Variants in TGM3 observed in about 807,000 individuals in gnomAD.
TGM3 encodes the protein transglutaminase 3.
A neutral mutation model predicts 73.8 loss-of-function variants in TGM3; 52 were observed. The observed-to-expected ratio is 0.70, with a 90% CI of 0.56 to 0.89. The LOEUF is 0.89. Ranked by LOEUF, TGM3 falls within the 40% of genes least tolerant of loss-of-function variation. TGM3 has a pLI of 0.00. For synonymous variants in TGM3, 372 were observed against 354.9 expected (o/e 1.05, Z -0.54); for missense variants, 928 against 909.9 (o/e 1.02, Z -0.26).
At chr20:2,312,304 G>T (rs2084208704) in intron 4 of TGM3, among the ~76,000 whole-genome samples, 1 of 151,470 alleles carries the variant, frequency 6.6e-6, no homozygotes, top group Admixed American at 6.6e-5. Context: ...GGAGGCTGAG[G>T]CGGGAGAATT....
rs1301935617 is a variant in TGM3 at position 2,311,004 on chromosome 20, C to G, written c.422-7C>G. On this transcript the variant is annotated splice_region_variant and splice_polypyrimidine_tract_variant and intron_variant, in intron 3 of 12. Coordinates refer to ENST00000381458, the MANE Select transcript of TGM3 (RefSeq NM_003245.4). ...AGTCGCTGGTGTCTGCTTTTTGTAT[C>G]AAATAGTGGATAGCGTCTTTATGGG... 1 of 1,611,248 alleles carries G rather than the reference C, an allele frequency of 6.2e-7. No individual in the cohort carries two copies. Among genetic ancestry groups the G allele is most frequent in the Non-Finnish European group, 8.5e-7 (1 of 1,177,420 alleles).
At chr20:2,296,426 G>C (rs11907667) in intron 1 of TGM3, among the ~76,000 whole-genome samples, 4 of 152,130 alleles carry the variant, frequency 2.6e-5, no homozygotes, top group African/African-American at 4.8e-5. Flanking sequence ...GACAGGACTC[G>C]GGTCTCGTGT....
chr20:2,316,239 C>T (rs760523940), intron 5 of TGM3, among the ~76,000 whole-genome samples: 1 of 152,168 alleles, frequency 6.6e-6, no homozygotes, highest in Non-Finnish European at 1.5e-5. Context: ...AAAAGAAATA[C>T]TCTATCTTTA....
chr20:2,311,765 G>A (rs1369342642), intron 4 of TGM3, among the ~76,000 whole-genome samples: 1 of 152,138 alleles, frequency 6.6e-6, no homozygotes, highest in African/African-American at 2.4e-5. Flanking sequence ...AGCAAGTTGG[G>A]AGGAAGAAAA....
chr20:2,305,270 C>G (rs1256324620), intron 1 of TGM3, among the ~76,000 whole-genome samples: 1 of 152,186 alleles, frequency 6.6e-6, no homozygotes, highest in Non-Finnish European at 1.5e-5. Context: ...GTTGGTTCCC[C>G]TGGCAACCAG....
intron 1 of TGM3, among the ~76,000 whole-genome samples, chr20:2,300,869 G>A (rs559928688): frequency 1.3e-5 from 2 of 152,252 alleles, no homozygotes; most frequent in Admixed American, 6.5e-5. Context: ...AACAGTATTA[G>A]TTTCCCCCAA....
chr20:2,340,395 G>A (rs775337972), intron 12 of TGM3, 39 bp from the exon 13 acceptor site: 3 of 1,611,886 alleles, frequency 1.9e-6, no homozygotes, highest in South Asian at 1.1e-5. Flanking sequence ...CAAGGTCCGT[G>A]TGTCTCGTAT....
At chr20:2,317,689 T>C (rs544162776) in intron 7 of TGM3, among the ~76,000 whole-genome samples, 1 of 152,126 alleles carries the variant, frequency 6.6e-6, no homozygotes, top group African/African-American at 2.4e-5. Flanking sequence ...TGCGGTCTGC[T>C]AGTCTGGTCT....
intron 4 of TGM3, among the ~76,000 whole-genome samples, chr20:2,312,502 C>T (rs17312557): frequency 0.021 from 3,194 of 151,324 alleles, 63 homozygotes; most frequent in Middle Eastern, 0.13. Context: ...GCCAGACAGG[C>T]TAAACAGCTT....
intron 1 of TGM3, among the ~76,000 whole-genome samples, chr20:2,298,934 C>T (rs214771): frequency 0.98 from 149,554 of 152,172 alleles, 73,502 homozygotes; most frequent in East Asian, 1. Context: ...CTTCTTCCAC[C>T]TGGGACAGCG....
At chr20:2,313,680 C>T (rs758065008) in intron 5 of TGM3, among the ~76,000 whole-genome samples, 2 of 152,196 alleles carry the variant, frequency 1.3e-5, no homozygotes, top group Non-Finnish European at 2.9e-5. Context: ...CACACACACA[C>T]ACGAGCTAGA....
intron 1 of TGM3, among the ~76,000 whole-genome samples, chr20:2,296,814 G>A (rs1051713100): frequency 5.3e-5 from 8 of 152,300 alleles, no homozygotes; most frequent in African/African-American, 1.7e-4. Flanking sequence ...TAAGCAGCAT[G>A]CTAATTATTA....
rs146981119 is a variant in TGM3 at position 2,311,039 on chromosome 20, T to C, written c.450T>C (p.Ala150=). The change falls in exon 4 of 13, where the codon GCT becomes GCC. Residue 150 remains alanine (A), a synonymous_variant. Transcript: ENST00000381458. ...NVDSVFMGNH[A]EREEYVQEDA... is the part of the protein sequence containing the mutation. ...ATAGCGTCTTTATGGGTAACCACGC[T>C]GAGAGAGAAGAGTATGTTCAGGAAG... is the stretch of plus-strand genomic sequence containing the variant. 1.8e-4 allele frequency: 297 copies of C among 1,614,060 alleles called. 3 individuals carry two copies. In the African/African-American group the frequency reaches 3.3e-3, roughly 18 times the overall value.
chr20:2,309,942 G>T, intron 2 of TGM3, 112 bp downstream of exon 2: 1 of 1,474,636 alleles, frequency 6.8e-7, no homozygotes, highest in Non-Finnish European at 9.2e-7. Flanking sequence ...TTCTAGCCTT[G>T]CTCTGTCATT....
Position 2,325,721 on chromosome 20 carries a change from G to T in TGM3, c.984-128G>T, listed in dbSNP as rs574868986. The T allele has an allele frequency of 3.0e-5, 21 of 696,016 alleles. No homozygotes were observed. In the South Asian group the frequency reaches 3.1e-4, roughly 10 times the overall value. The allele number at this position is 696,016 out of a possible 1,614,324, so 43.1% of individuals were successfully genotyped here. A position where few individuals can be genotyped will look rare whatever the true frequency, so the allele number is the denominator to read the frequency against. On this transcript the variant is annotated intron_variant, in intron 7 of 12. Coordinates refer to ENST00000381458, the MANE Select transcript of TGM3 (RefSeq NM_003245.4). ...ATGCTCACCAGGGCTTAGCATAACC[G>T]CCGTCACAGGGCAAACTCACTCGAT...
In TGM3 at chr20:2,341,032, C is replaced by G; in HGVS notation, c.*451C>G. The G allele has an allele frequency of 2.3e-6, 1 of 441,714 alleles. No individual in the cohort carries two copies. The highest frequency in any genetic ancestry group is 4.6e-6 in the Non-Finnish European group (1 of 217,796). The allele number at this position is 441,714 out of a possible 1,614,324, so 27.4% of individuals were successfully genotyped here. A position where few individuals can be genotyped will look rare whatever the true frequency, so the allele number is the denominator to read the frequency against. On this transcript the variant is annotated 3_prime_UTR_variant, in exon 13 of 13. Coordinates refer to ENST00000381458, the MANE Select transcript of TGM3 (RefSeq NM_003245.4). ...GGGGATGGTTAGTCACCTGCCCCAG[C>G]ACTCACACCCTAACTCAAAATAAAT...
At chr20:2,326,059 G>T in intron 8 of TGM3, 107 bp downstream of exon 8, 2 of 1,118,432 alleles carry the variant, frequency 1.8e-6, no homozygotes, top group Non-Finnish European at 2.6e-6. Flanking sequence ...TGGAATGCAT[G>T]ATGGGATTAA....
chr20:2,338,612 G>C (rs886420194), intron 11 of TGM3, among the ~76,000 whole-genome samples: 1 of 152,220 alleles, frequency 6.6e-6, no homozygotes, highest in Non-Finnish European at 1.5e-5. Context: ...GGGCTCTGCT[G>C]TTTCCTTGTG....
chr20:2,312,359 T>C (rs928163719), intron 4 of TGM3, among the ~76,000 whole-genome samples: 3 of 124,400 alleles, frequency 2.4e-5, no homozygotes, highest in Non-Finnish European at 4.7e-5. Context: ...ATCATACCAC[T>C]GCACTCCAGC....
Sources: allele counts gnomAD v4.1 joint callset (sites outside exome capture counted in the v4.1 genomes callset), GRCh38; gene constraint gnomAD v4.1.1; transcripts MANE v1.5; gene names NCBI Gene and HGNC (gene_info 2026-07-23, HGNC 2026-07-21).